The following ZNRF2 variants were observed in gnomAD, a reference collection of about 807,000 sequenced individuals.
ZNRF2 encodes E3 ubiquitin-protein ligase ZNRF2.
ZNRF2 carries 16 observed loss-of-function variants against 20.4 expected under a neutral mutation model. The ratio of observed to expected loss-of-function variants is 0.79; its 90% confidence interval spans 0.53 to 1.19. The LOEUF is 1.19. ZNRF2 is among the 50% of genes most tolerant of loss of function. ZNRF2 has a pLI of 0.00. For synonymous variants in ZNRF2, 178 were observed against 144.9 expected (o/e 1.23, Z -1.64); for missense variants, 363 against 332.4 (o/e 1.09, Z -0.72).
chr7:30,343,114 A>G (rs752337442), intron 2 of ZNRF2, among the ~76,000 whole-genome samples: 2 of 152,094 alleles, frequency 1.3e-5, no homozygotes, highest in Non-Finnish European at 2.9e-5. Flanking sequence ...TCAAGACCCG[A>G]CCAGCCTGGG....
At chr7:30,315,030 A>G (rs1287028144) in intron 1 of ZNRF2, among the ~76,000 whole-genome samples, 86 of 152,002 alleles carry the variant, frequency 5.7e-4, no homozygotes, top group Non-Finnish European at 2.4e-4. Context: ...GTTAGCCAGG[A>G]TGGTCTCGAT....
At chr7:30,305,568 G>A (rs1040197650) in intron 1 of ZNRF2, among the ~76,000 whole-genome samples, 12 of 152,072 alleles carry the variant, frequency 7.9e-5, no homozygotes, top group African/African-American at 2.6e-4. Context: ...TATCTTTCTT[G>A]TAAGCCATTA....
At chr7:30,361,456 AGCTT>A (rs1800125371) in intron 3 of ZNRF2, among the ~76,000 whole-genome samples, 1 of 152,248 alleles carries the variant, frequency 6.6e-6, no homozygotes, top group Non-Finnish European at 1.5e-5. Flanking sequence ...CAAGTCTTGT[AGCTT>A]TGCGGCATAT....
intron 2 of ZNRF2, among the ~76,000 whole-genome samples, chr7:30,338,961 A>G (rs1471963902): frequency 2.6e-5 from 4 of 152,206 alleles, no homozygotes; most frequent in Non-Finnish European, 5.9e-5. Context: ...AATGATCGCC[A>G]TTCTAACTGA....
chr7:30,311,336 A>G (rs1308101848), intron 1 of ZNRF2, among the ~76,000 whole-genome samples: 3 of 152,198 alleles, frequency 2.0e-5, no homozygotes, highest in African/African-American at 7.2e-5. Context: ...TTCATTCCTA[A>G]AGAGTCATAA....
chr7:30,351,268 T>A (rs1282569639), intron 2 of ZNRF2, among the ~76,000 whole-genome samples: 1 of 152,016 alleles, frequency 6.6e-6, no homozygotes, highest in East Asian at 1.9e-4. Context: ...AGGTTTCATA[T>A]TTTACCAAAA....
chr7:30,292,524 A>G (rs1457207682), intron 1 of ZNRF2, among the ~76,000 whole-genome samples: 1 of 152,126 alleles, frequency 6.6e-6, no homozygotes, highest in Non-Finnish European at 1.5e-5. Flanking sequence ...AGTAAAATAC[A>G]TAGTGTGTTA....
chr7:30,294,448 C>T (rs1028655903), intron 1 of ZNRF2, among the ~76,000 whole-genome samples: 1 of 152,070 alleles, frequency 6.6e-6, no homozygotes, highest in Non-Finnish European at 1.5e-5. Context: ...TGTGGTGGTC[C>T]TTACTAGTAC....
chr7:30,291,381 G>C (rs1378928595), intron 1 of ZNRF2, among the ~76,000 whole-genome samples: 2 of 152,206 alleles, frequency 1.3e-5, no homozygotes, highest in Non-Finnish European at 2.9e-5. Flanking sequence ...TTCTCTAGTG[G>C]TGCAGACTTC....
At chr7:30,295,109 G>A (rs1486666845) in intron 1 of ZNRF2, among the ~76,000 whole-genome samples, 5 of 145,262 alleles carry the variant, frequency 3.4e-5, no homozygotes, top group African/African-American at 1.3e-4. Flanking sequence ...GTGATTGCAG[G>A]TGTCAGCCAC....
At chr7:30,328,029 A>T (rs1184123692) in intron 2 of ZNRF2, among the ~76,000 whole-genome samples, 1 of 152,140 alleles carries the variant, frequency 6.6e-6, no homozygotes, top group Admixed American at 6.5e-5. Context: ...AGTGAAGGAG[A>T]AAGGAGCTTT....
intron 1 of ZNRF2, among the ~76,000 whole-genome samples, chr7:30,307,945 G>A (rs1456609020): frequency 2.0e-5 from 3 of 152,072 alleles, no homozygotes; most frequent in African/African-American, 7.2e-5. Context: ...GCAGAAAATG[G>A]AAGAGTAGAG....
At chr7:30,307,624 A>G (rs1490658132) in intron 1 of ZNRF2, among the ~76,000 whole-genome samples, 5 of 151,960 alleles carry the variant, frequency 3.3e-5, no homozygotes, top group Non-Finnish European at 7.4e-5. Flanking sequence ...CTTGTTTCAC[A>G]TTTCAAGATA....
chr7:30,324,774 A>G (rs905789632), intron 2 of ZNRF2, among the ~76,000 whole-genome samples: 3 of 152,204 alleles, frequency 2.0e-5, no homozygotes, highest in Admixed American at 6.5e-5. Context: ...GCCATTTTCA[A>G]AAGTAAGTAA....
intron 1 of ZNRF2, among the ~76,000 whole-genome samples, chr7:30,315,912 C>T (rs10249845): frequency 6.6e-6 from 1 of 151,828 alleles, no homozygotes; most frequent in Non-Finnish European, 1.5e-5. Context: ...GACTTTGGGG[C>T]TACAAAAAAT....
chr7:30,298,732 G>A (rs1215383636), intron 1 of ZNRF2, among the ~76,000 whole-genome samples: 1 of 152,154 alleles, frequency 6.6e-6, no homozygotes, highest in Non-Finnish European at 1.5e-5. Flanking sequence ...CAGGGTTGGG[G>A]TTGCTTAGCT....
At chr7:30,344,379 T>C (rs1043317511) in intron 2 of ZNRF2, among the ~76,000 whole-genome samples, 8 of 152,112 alleles carry the variant, frequency 5.3e-5, no homozygotes, top group African/African-American at 1.9e-4. Flanking sequence ...TATTTTTAGA[T>C]ACTGTTTTTT....
At chr7:30,309,112 G>A (rs1015436981) in intron 1 of ZNRF2, among the ~76,000 whole-genome samples, 2 of 151,830 alleles carry the variant, frequency 1.3e-5, no homozygotes, top group Non-Finnish European at 2.9e-5. Flanking sequence ...TATTACTGAG[G>A]GCCTTTTTAC....
intron 1 of ZNRF2, among the ~76,000 whole-genome samples, chr7:30,287,833 T>C (rs549738689): frequency 2.6e-5 from 4 of 152,170 alleles, no homozygotes; most frequent in African/African-American, 4.8e-5. Flanking sequence ...GTTTTAGTTA[T>C]GTATCATTCT....
Sources: gnomAD v4.1 joint callset for allele counts (sites outside exome capture counted in the v4.1 genomes callset) on GRCh38, gnomAD v4.1.1 for gene constraint, MANE v1.5 for transcripts, NCBI Gene and HGNC (gene_info 2026-07-23, HGNC 2026-07-21) for gene names.